Variants in CYLC2 observed in about 807,000 individuals in gnomAD.
CYLC2 encodes cylicin-2.
A neutral mutation model predicts 26.1 loss-of-function variants in CYLC2; 30 were observed. The ratio of observed to expected loss-of-function variants is 1.15; its 90% CI spans 0.86 to 1.56. The LOEUF (loss-of-function observed/expected upper bound fraction) is 1.56, where lower values mean the gene tolerates loss of function less well. CYLC2 is among the 40% of genes most tolerant of loss of function. The pLI is 0.00. For missense variants in CYLC2, 498 were observed against 394.4 expected (o/e 1.26, Z -2.23); for synonymous variants, 158 against 132.8 (o/e 1.19, Z -1.31).
At position 103,005,552 on chromosome 9, in the gene CYLC2, T is replaced by C. The variant is rs755113842; in HGVS notation, c.921T>C (p.Asp307=). 6.2e-7 allele frequency: 1 copy of C among 1,609,202 alleles called. No individual in the cohort carries two copies. The part of the protein sequence containing the change: ...TKDAKKVAKK[D]TEKESADSKK... ...ATGCCAAGAAAGTTGCCAAGAAAGA[T>C]ACTGAGAAAGAATCTGCTGATTCAA... Residue 307 remains aspartate (D), a synonymous_variant, in exon 5 of 8, where the codon GAT becomes GAC. Coordinates refer to ENST00000374798, the MANE Select transcript of CYLC2 (RefSeq NM_001340.5).
intron 6 of CYLC2, among the ~76,000 whole-genome samples, chr9:103,014,637 ATATG>A (rs1829472286): frequency 7.0e-6 from 1 of 143,054 alleles, no homozygotes; most frequent in Admixed American, 7.1e-5. Flanking sequence ...AGTATACATC[ATATG>A]TATATTATGC....
At chr9:103,014,849 T>G (rs531594801) in intron 6 of CYLC2, among the ~76,000 whole-genome samples, 129 of 115,052 alleles carry the variant, frequency 1.1e-3, no homozygotes, top group Non-Finnish European at 2.1e-3. Flanking sequence ...ATGTATATTA[T>G]GCAATATACA....
At chr9:102,996,185 A>G (rs1237088730) in intron 1 of CYLC2, among the ~76,000 whole-genome samples, 1 of 151,900 alleles carries the variant, frequency 6.6e-6, no homozygotes, top group Non-Finnish European at 1.5e-5. Context: ...CCATTTTGTT[A>G]TAAAACAATC....
At position 103,006,016 on chromosome 9, in the gene CYLC2, G is replaced by GTACACACACACACACA. The variant is rs1829344595; in HGVS notation, c.*338_*339insTACACACACACACACA. 1 of 75,120 alleles carries GTACACACACACACACA rather than the reference G, an allele frequency of 1.3e-5. No individual in the cohort carries two copies. The highest frequency in any genetic ancestry group is 2.6e-5 in the Non-Finnish European group (1 of 38,004). The allele number at this position is 75,120 out of a possible 1,614,324, so 4.7% of individuals were successfully genotyped here. ...TTGAAGATAATGACACTAAATCTAT[G>GTACACACACACACACA]GACACACACACACACACACACACAC... is the stretch of plus-strand genomic sequence containing the variant. On this transcript the variant is annotated 3_prime_UTR_variant, in exon 5 of 8. Transcript: ENST00000374798.
At chr9:103,007,189 A>T (rs1829361646) in intron 5 of CYLC2, among the ~76,000 whole-genome samples, 1 of 152,186 alleles carries the variant, frequency 6.6e-6, no homozygotes, top group African/African-American at 2.4e-5. Context: ...TATTCAAAGA[A>T]CATGGAGAGA....
chr9:102,997,362 A>G (rs7858193), intron 1 of CYLC2, among the ~76,000 whole-genome samples: 112,862 of 151,318 alleles, frequency 0.75, 42,578 homozygotes, highest in East Asian at 1. Context: ...ATTGCAAAAT[A>G]TTCTCTGGGT....
In CYLC2 at chr9:103,013,427, T is replaced by C. The variant is rs1298025971; in HGVS notation, c.*816+1330T>C. Among the ~76,000 whole-genome samples, 6 of 74,560 alleles carry C rather than the reference T, an allele frequency of 8.0e-5. No individual in the cohort carries two copies. In the East Asian group the frequency reaches 1.3e-3, roughly 16 times the overall value. 48.9% of individuals were successfully genotyped at this position (74,560 alleles called of 152,430 possible). ...TATATATTTAATATATTGTGTATCATATATACATAATACAGAAATATATAT... is the reference window on the plus strand; with the variant it reads ...TATATATTTAATATATTGTGTATCACATATACATAATACAGAAATATATAT... On this transcript the variant is annotated intron_variant, in intron 6 of 7. Transcript: ENST00000374798.
At chr9:103,013,213 TTAA>T (rs1376318662) in intron 6 of CYLC2, among the ~76,000 whole-genome samples, 1 of 126,054 alleles carries the variant, frequency 7.9e-6, no homozygotes, top group African/African-American at 2.9e-5. Context: ...ATGTTATATA[TTAA>T]TATGTATATT....
chr9:103,015,444 A>T (rs921840700), intron 6 of CYLC2, among the ~76,000 whole-genome samples: 7 of 137,582 alleles, frequency 5.1e-5, no homozygotes, highest in Non-Finnish European at 1.1e-4. Context: ...ATATATCATT[A>T]ATATATATAT....
rs1564097772 is a variant in CYLC2, at chr9:103,005,139, A to G, written c.508A>G (p.Lys170Glu). 5.6e-6 allele frequency: 9 copies of G among 1,607,906 alleles called. No individual in the cohort carries two copies. Among genetic ancestry groups the G allele is most frequent in the Non-Finnish European group, 7.6e-6 (9 of 1,178,108 alleles). Reference sequence around the variant, plus strand: ...CAAAAAAGGTAAAAAGGATGCAGAGAAGGGCAAAGACTCAGCAACAGAATC... The same window carrying G: ...CAAAAAAGGTAAAAAGGATGCAGAGGAGGGCAAAGACTCAGCAACAGAATC... ...DSKKGKKDAE[K>E]GKDSATESED... Residue 170 changes from lysine (K) to glutamate (E), a missense_variant, in exon 5 of 8, where the codon AAG (lysine) becomes GAG (glutamate). Coordinates refer to ENST00000374798, the MANE Select transcript of CYLC2 (RefSeq NM_001340.5).
In CYLC2 at chr9:103,005,745, T is replaced by G. The variant is rs763398202; in HGVS notation, c.*67T>G. 2.0e-6 allele frequency: 3 copies of G among 1,491,042 alleles called. No individual in the cohort carries two copies. Among genetic ancestry groups the G allele is most frequent in the Non-Finnish European group, 2.7e-6 (3 of 1,111,658 alleles). 92.4% of individuals were successfully genotyped at this position (1,491,042 alleles called of 1,614,324 possible). A position where few individuals can be genotyped will look rare whatever the true frequency, so the allele number is the denominator to read the frequency against. ...ATATTTGATGAAACAATAGTGGTAG[T>G]CTGCAGCTGAATTTGTGAGAAAACA... On this transcript the variant is annotated 3_prime_UTR_variant, in exon 5 of 8. Coordinates refer to ENST00000374798, the MANE Select transcript of CYLC2 (RefSeq NM_001340.5).
intron 6 of CYLC2, 66 bp from the exon 7 acceptor site, chr9:103,016,822 T>A (rs996932616): frequency 6.6e-6 from 1 of 151,972 alleles, no homozygotes; most frequent in Non-Finnish European, 1.5e-5. Context: ...GCATAGCACA[T>A]ATGGAAGTTT....
intron 3 of CYLC2, 63 bp downstream of exon 3, chr9:103,003,326 C>T (rs1476555855): frequency 4.3e-6 from 6 of 1,380,426 alleles, no homozygotes; most frequent in Non-Finnish European, 6.0e-6. Context: ...TAATTATAAC[C>T]ATAATAAGTA....
Position 103,006,037 on chromosome 9 carries a change from C to G in CYLC2, c.*359C>G, listed in dbSNP as rs1829345784. ...CTATGGACACACACACACACACACA[C>G]ACACACACACACACACACACACACA... On this transcript the variant is annotated 3_prime_UTR_variant, in exon 5 of 8. Coordinates refer to ENST00000374798, the MANE Select transcript of CYLC2 (RefSeq NM_001340.5). 6.4e-6 allele frequency: 1 copy of G among 157,468 alleles called. No homozygotes were observed. The highest frequency in any genetic ancestry group is 2.5e-5 in the African/African-American group (1 of 40,064). 9.8% of individuals were successfully genotyped at this position (157,468 alleles called of 1,614,324 possible).
At chr9:102,995,925 G>A (rs1829232750) in intron 1 of CYLC2, among the ~76,000 whole-genome samples, 1 of 151,756 alleles carries the variant, frequency 6.6e-6, no homozygotes, top group South Asian at 2.1e-4. Flanking sequence ...GTAATGTAAA[G>A]CATATAATCC....
In CYLC2 at chr9:103,005,555, TGAGA is replaced by T. The variant is rs1261202765; in HGVS notation, c.925_928del (p.Glu309LysfsTer46). ...CCAAGAAAGTTGCCAAGAAAGATAC[TGAGA>T]AAGAATCTGCTGATTCAAAGAAGGA... On this transcript the variant is annotated frameshift_variant, in exon 5 of 8. Coordinates refer to ENST00000374798, the MANE Select transcript of CYLC2 (RefSeq NM_001340.5). LOFTEE classifies it low-confidence loss of function (END_TRUNC). 1 of 1,608,764 alleles carries T rather than the reference TGAGA, an allele frequency of 6.2e-7. No individual in the cohort carries two copies. Among genetic ancestry groups the T allele is most frequent in the African/African-American group, 1.3e-5 (1 of 74,710 alleles).
chr9:103,014,093 TA>T (rs1454170420), intron 6 of CYLC2, among the ~76,000 whole-genome samples: 1 of 119,114 alleles, frequency 8.4e-6, no homozygotes, highest in African/African-American at 3.3e-5. Context: ...ATTTAATATA[TA>T]AAATTAAATA....
At chr9:102,998,025 T>C (rs878937117) in intron 1 of CYLC2, among the ~76,000 whole-genome samples, 1 of 151,902 alleles carries the variant, frequency 6.6e-6, no homozygotes, top group Admixed American at 6.6e-5. Flanking sequence ...ATATTCTACA[T>C]TGTTGACAAT....
chr9:102,999,363 G>T (rs935994326), intron 1 of CYLC2, among the ~76,000 whole-genome samples: 1 of 151,688 alleles, frequency 6.6e-6, no homozygotes, highest in African/African-American at 2.4e-5. Context: ...TTGATTGGCA[G>T]CTTTAACAGT....
Sources: allele counts gnomAD v4.1 joint callset (sites outside exome capture counted in the v4.1 genomes callset), GRCh38; gene constraint gnomAD v4.1.1; transcripts MANE v1.5; gene names NCBI Gene and HGNC (gene_info 2026-07-23, HGNC 2026-07-21).